Variants in AMZ1 observed in about 807,000 individuals in gnomAD.
AMZ1 encodes archaelysin family metallopeptidase 1, also known as archaemetzincin-1.
A neutral mutation model predicts 29.9 loss-of-function variants in AMZ1; 39 were observed. The observed-to-expected ratio is 1.30, with a 90% CI of 1.01 to 1.70. AMZ1 has a LOEUF of 1.70. Among genes scored for constraint, AMZ1 ranks in the 40% most tolerant of loss-of-function variants. The pLI is 0.00. For synonymous variants in AMZ1, 458 were observed against 304.0 expected, an observed-to-expected ratio of 1.51 and a Z score of -5.27; for missense variants, 1,041 against 680.6, an observed-to-expected ratio of 1.53 and a Z score of -5.89.
Position 2,702,752 on chromosome 7 carries a change from T to C in AMZ1, c.335T>C (p.Leu112Pro). 3.9e-6 allele frequency: 6 copies of C among 1,540,650 alleles called. No homozygotes were observed. The highest frequency in any genetic ancestry group is 5.2e-6 in the Non-Finnish European group (6 of 1,145,682). ...AGCGAGGAGCCGGTGGGAAGCTCCC[T>C]GCTGCACCAGCTGTGCAGCTGCACA... ...DLSEEPVGSS[L>P]LHQLCSCTEA... Residue 112 changes from leucine (L) to proline (P), a missense_variant, in exon 3 of 7, where the codon CTG becomes CCG. Transcript: ENST00000683327.
chr7:2,750,341 T>C (rs886679485), intron 4 of AMZ1, among the ~76,000 whole-genome samples: 1 of 152,188 alleles, frequency 6.6e-6, no homozygotes, highest in African/African-American at 2.4e-5. Flanking sequence ...GAACAGAAGA[T>C]GATGCCAGAG....
At position 2,700,284 on chromosome 7, in the gene AMZ1, A is replaced by G; in HGVS notation, c.-168A>G. On this transcript the variant is annotated 5_prime_UTR_variant, in exon 2 of 7. Coordinates refer to ENST00000683327, the MANE Select transcript of AMZ1 (RefSeq NM_001384743.1). ...TGCCTGAGAGCGTCCAGGACCAGGC[A>G]GAGCTGGGCCTTAAGGGCCCTTGGA... is the stretch of plus-strand genomic sequence containing the variant. The G allele has an allele frequency of 1.3e-6, 1 of 744,352 alleles. No homozygotes were observed. Among genetic ancestry groups the G allele is most frequent in the Non-Finnish European group, 2.1e-6 (1 of 468,736 alleles). The allele number at this position is 744,352 out of a possible 1,614,324, so 46.1% of individuals were successfully genotyped here.
At chr7:2,698,656 G>A (rs1186916373) in intron 1 of AMZ1, among the ~76,000 whole-genome samples, 1 of 152,216 alleles carries the variant, frequency 6.6e-6, no homozygotes, top group East Asian at 1.9e-4. Flanking sequence ...GGGCAACATA[G>A]TGAGACCCCC....
chr7:2,702,083 A>G (rs1175293747), intron 2 of AMZ1: 2 of 152,428 alleles, frequency 1.3e-5, no homozygotes, highest in South Asian at 2.1e-4. Flanking sequence ...CTGGCAGCTG[A>G]TTTCTCACTG....
At position 2,712,443 on chromosome 7, in the gene AMZ1, T is replaced by C; in HGVS notation, c.1062T>C (p.Cys354=). The change falls in exon 7 of 7, where the codon TGT becomes TGC. Residue 354 remains cysteine (C), a synonymous_variant. Coordinates refer to ENST00000683327, the MANE Select transcript of AMZ1 (RefSeq NM_001384743.1). The part of the protein sequence containing the change: ...PPASADSGMC[C]ESDSEPGTSV... ...CCAGCGCCGACTCGGGCATGTGCTGTGAGAGTGACTCGGAGCCCGGCACCA... is the reference window on the plus strand; with the variant it reads ...CCAGCGCCGACTCGGGCATGTGCTGCGAGAGTGACTCGGAGCCCGGCACCA... 2 of 1,611,808 alleles carry C rather than the reference T, an allele frequency of 1.2e-6. No individual in the cohort carries two copies. Among genetic ancestry groups the C allele is most frequent in the Non-Finnish European group, 1.7e-6 (2 of 1,179,710 alleles).
In AMZ1 at chr7:2,715,972, A is replaced by C. The variant is rs1789099861; in HGVS notation, c.*3094A>C. ...GAATTGCTTTCTCGTCTCATCTGTC[A>C]GAAGCCCCTGCATTCACAAGGATGG... On this transcript the variant is annotated 3_prime_UTR_variant, in exon 7 of 7. Transcript: ENST00000683327. The C allele has an allele frequency of 6.6e-6, 1 of 151,958 alleles. No individual in the cohort carries two copies. Among genetic ancestry groups the C allele is most frequent in the Non-Finnish European group, 1.5e-5 (1 of 67,940 alleles). 9.4% of individuals were successfully genotyped at this position (151,958 alleles called of 1,614,324 possible).
chr7:2,690,976 A>G (rs1360531735), intron 1 of AMZ1, among the ~76,000 whole-genome samples: 1 of 151,884 alleles, frequency 6.6e-6, no homozygotes, highest in African/African-American at 2.4e-5. Flanking sequence ...CCCTGTCTCT[A>G]CTAAAGATAA....
chr7:2,752,275 TAGAA>T (rs961748382), intron 4 of AMZ1, among the ~76,000 whole-genome samples: 13 of 152,112 alleles, frequency 8.5e-5, no homozygotes, highest in African/African-American at 1.7e-4. Flanking sequence ...ACCAGACTAA[TAGAA>T]AGAAACTTCC....
Position 2,712,834 on chromosome 7 carries a change from AG to A in AMZ1, c.1454del (p.Arg485LysfsTer26). On this transcript the variant is annotated frameshift_variant, in exon 7 of 7. Coordinates refer to ENST00000683327, the MANE Select transcript of AMZ1 (RefSeq NM_001384743.1). LOFTEE classifies it low-confidence loss of function (END_TRUNC). The stretch of plus-strand genomic sequence containing the variant: ...GAAGCTGAGTGCCCGAAAACTCGCC[AG>A]AGCAGAGTCGGCCCCCCGTCCCTGG... ...RRKLSARKLA[R>X]AESAPRPWDG... The A allele has an allele frequency of 6.5e-7, 1 of 1,531,484 alleles. No individual in the cohort carries two copies. Among genetic ancestry groups the A allele is most frequent in the Non-Finnish European group, 8.8e-7 (1 of 1,138,602 alleles). The allele number at this position is 1,531,484 out of a possible 1,614,324, so 94.9% of individuals were successfully genotyped here. A position where few individuals can be genotyped will look rare whatever the true frequency, so the allele number is the denominator to read the frequency against.
intron 2 of AMZ1, among the ~76,000 whole-genome samples, chr7:2,701,461 G>A (rs1583161166): frequency 6.6e-6 from 1 of 152,182 alleles, no homozygotes; most frequent in African/African-American, 2.4e-5. Flanking sequence ...AGGGCCCAGA[G>A]TGGTCACTGT....
chr7:2,734,814 G>A (rs1272874298), intron 4 of AMZ1, among the ~76,000 whole-genome samples: 1 of 152,172 alleles, frequency 6.6e-6, no homozygotes, highest in East Asian at 1.9e-4. Context: ...GGCAGGACGG[G>A]GCGAGCACGT....
intron 4 of AMZ1, among the ~76,000 whole-genome samples, chr7:2,754,983 G>T (rs996226721): frequency 1.3e-5 from 2 of 152,160 alleles, no homozygotes; most frequent in African/African-American, 4.8e-5. Context: ...TTAGGTCAAG[G>T]TTCACTTTTT....
chr7:2,735,563 G>GGT (rs1790127512), intron 4 of AMZ1, among the ~76,000 whole-genome samples: 1 of 152,166 alleles, frequency 6.6e-6, no homozygotes, highest in African/African-American at 2.4e-5. Context: ...CGTTTCCCTC[G>GGT]GTGTGAGTCT....
upstream of AMZ1, chr7:2,762,854 A>C (rs1791630670): frequency 1.4e-6 from 2 of 1,479,494 alleles, no homozygotes; most frequent in African/African-American, 1.4e-5. Context: ...CCGAAGCAGG[A>C]GAGGGCCAGC....
At chr7:2,737,264 G>GTTTTTTTTTTTTTTTTTTTTTTT (rs201866976) in intron 4 of AMZ1, among the ~76,000 whole-genome samples, 1 of 52,452 alleles carries the variant, frequency 1.9e-5, no homozygotes, top group Non-Finnish European at 4.0e-5. Context: ...CTATCTCACA[G>GTTTTTTTTTTTTTTTTTTTTTTT]TTTTGTTTTG....
At chr7:2,734,402 C>T (rs1022570247) in intron 4 of AMZ1, among the ~76,000 whole-genome samples, 8 of 152,254 alleles carry the variant, frequency 5.3e-5, no homozygotes, top group Middle Eastern at 3.2e-3. Flanking sequence ...GGCTTCCAGG[C>T]TGCCCTGACA....
At chr7:2,696,023 A>C (rs995676770) in intron 1 of AMZ1, among the ~76,000 whole-genome samples, 2 of 151,364 alleles carry the variant, frequency 1.3e-5, no homozygotes, top group Admixed American at 6.6e-5. Flanking sequence ...GAAAAAAAAA[A>C]AAAAAAGGAA....
chr7:2,718,129 C>T lies in AMZ1; in HGVS notation c.*5251C>T, dbSNP rs1789237210. Among the ~76,000 whole-genome samples, 1 of 152,204 alleles carries T rather than the reference C, an allele frequency of 6.6e-6. No homozygotes were observed. The highest frequency in any genetic ancestry group is 2.1e-4 in the South Asian group (1 of 4,832). The stretch of plus-strand genomic sequence containing the variant: ...CACCTACCAGATTCCACCACTGAGG[C>T]CTCCCTCGATGCCTGCTCCCTGGGC... On this transcript the variant is annotated 3_prime_UTR_variant, in exon 7 of 7. Coordinates refer to ENST00000683327, the MANE Select transcript of AMZ1 (RefSeq NM_001384743.1).
At chr7:2,704,083 A>G (rs545671962) in intron 3 of AMZ1, among the ~76,000 whole-genome samples, 2 of 152,148 alleles carry the variant, frequency 1.3e-5, no homozygotes, top group African/African-American at 4.8e-5. Context: ...TAGAGACGGG[A>G]TTTCACCGTG....
Sources: gnomAD v4.1 joint callset for allele counts (sites outside exome capture counted in the v4.1 genomes callset) on GRCh38, gnomAD v4.1.1 for gene constraint, MANE v1.5 for transcripts, NCBI Gene and HGNC (gene_info 2026-07-23, HGNC 2026-07-21) for gene names.